The following PLS1 variants were observed in gnomAD, a reference collection of about 807,000 sequenced individuals.
PLS1 encodes the protein plastin-1.
Under a neutral mutation model 73.7 loss-of-function variants are expected in PLS1, and 32 were observed. That is an observed-to-expected ratio of 0.43 (90% CI 0.33 to 0.58). The LOEUF (loss-of-function observed/expected upper bound fraction) is 0.58. PLS1 is among the 20% of genes least tolerant of loss of function. The pLI is 0.04. For synonymous variants in PLS1, 217 were observed against 261.3 expected, an observed-to-expected ratio of 0.83 and a Z score of 1.63; for missense variants, 633 against 740.5, an observed-to-expected ratio of 0.85 and a Z score of 1.68.
intron 1 of PLS1, among the ~76,000 whole-genome samples, chr3:142,606,070 T>C (rs57025719): frequency 0.042 from 6,420 of 152,308 alleles, 464 homozygotes; most frequent in African/African-American, 0.15. Flanking sequence ...TTTCTAGTAA[T>C]TCAGAGGAAA....
chr3:142,598,785 C>T (rs2035858316), intron 1 of PLS1, among the ~76,000 whole-genome samples: 1 of 152,108 alleles, frequency 6.6e-6, no homozygotes, highest in Admixed American at 6.5e-5. Flanking sequence ...ATCACAAGGT[C>T]AGGAGATTGA....
intron 11 of PLS1, among the ~76,000 whole-genome samples, chr3:142,695,814 G>C (rs1278957469): frequency 6.6e-6 from 1 of 150,388 alleles, no homozygotes; most frequent in Non-Finnish European, 1.5e-5. Flanking sequence ...ATTTATTTGA[G>C]ATGGAGTTTC....
At chr3:142,661,666 A>G (rs4594656) in intron 1 of PLS1, among the ~76,000 whole-genome samples, 58,418 of 152,062 alleles carry the variant, frequency 0.38, 12,423 homozygotes, top group Non-Finnish European at 0.48. Context: ...AAGTTTATAA[A>G]AGTGTATAAA....
chr3:142,711,329 A>G lies in PLS1; in HGVS notation c.1630-172A>G, dbSNP rs73864408. 0.022 allele frequency among the ~76,000 whole-genome samples: 3,395 copies of G among 152,272 alleles called. 130 individuals carry two copies. The highest frequency in any genetic ancestry group is 0.077 in the African/African-American group (3,206 of 41,552). On this transcript the variant is annotated intron_variant, in intron 14 of 15. Coordinates refer to ENST00000457734, the MANE Select transcript of PLS1 (RefSeq NM_001145319.2). ...TATATTATATATAAAGATTCAAGGA[A>G]AAGTATATTTTAAAGGGTTTATTTA...
intron 3 of PLS1, among the ~76,000 whole-genome samples, chr3:142,670,605 C>T (rs569386642): frequency 1.6e-4 from 24 of 152,334 alleles, no homozygotes; most frequent in Non-Finnish European, 3.4e-4. Context: ...GTTATTTCCT[C>T]TAAGAGCTGA....
At chr3:142,691,089 A>C (rs200932380) in intron 10 of PLS1, among the ~76,000 whole-genome samples, 1 of 152,150 alleles carries the variant, frequency 6.6e-6, no homozygotes, top group African/African-American at 2.4e-5. Context: ...AGAATGAGAA[A>C]TCAATTTCAT....
At chr3:142,659,955 C>T (rs192585440) in intron 1 of PLS1, among the ~76,000 whole-genome samples, 167 of 152,170 alleles carry the variant, frequency 1.1e-3, no homozygotes, top group Middle Eastern at 0.01. Flanking sequence ...TCAAGTATAC[C>T]GTGACACAAC....
At chr3:142,705,864 C>A (rs899118640) in intron 14 of PLS1, among the ~76,000 whole-genome samples, 10 of 152,284 alleles carry the variant, frequency 6.6e-5, no homozygotes, top group East Asian at 3.9e-4. Context: ...TTCCACCCCC[C>A]CTTTTCTATC....
chr3:142,603,769 C>CAA lies in PLS1; in HGVS notation c.-37+7274_-37+7275dup, dbSNP rs5853074. On this transcript the variant is annotated intron_variant, in intron 1 of 15. Transcript: ENST00000457734. ...TGGGTGACAAAGTGAAACCCTGCCTCAAAAAAAAAAAAAAATACCTACAAG... is the reference window on the plus strand; with the variant it reads ...TGGGTGACAAAGTGAAACCCTGCCTCAAAAAAAAAAAAAAAAATACCTACAAG... 3.4e-3 allele frequency among the ~76,000 whole-genome samples: 472 copies of CAA among 140,502 alleles called. 3 individuals are homozygous for CAA. Among genetic ancestry groups the CAA allele is most frequent in the Middle Eastern group, 0.011 (3 of 266 alleles). The allele number at this position is 140,502 out of a possible 152,430, so 92.2% of individuals were successfully genotyped here.
chr3:142,671,732 C>G (rs1171161463), intron 4 of PLS1, among the ~76,000 whole-genome samples: 1 of 152,132 alleles, frequency 6.6e-6, no homozygotes, highest in Non-Finnish European at 1.5e-5. Flanking sequence ...GTCTAAGAAC[C>G]TTTGGCCAAG....
At chr3:142,638,716 T>C (rs1262626569) in intron 1 of PLS1, among the ~76,000 whole-genome samples, 2 of 17,908 alleles carry the variant, frequency 1.1e-4, no homozygotes, top group Admixed American at 2.8e-4. Flanking sequence ...TATCTTCATT[T>C]TATTTTATTT....
intron 1 of PLS1, among the ~76,000 whole-genome samples, chr3:142,660,576 G>T (rs2037348702): frequency 6.6e-6 from 1 of 152,184 alleles, no homozygotes; most frequent in South Asian, 2.1e-4. Context: ...AGCATGGTGA[G>T]AGTATCATAC....
intron 1 of PLS1, among the ~76,000 whole-genome samples, chr3:142,655,328 G>C (rs752437747): frequency 2.0e-5 from 3 of 152,148 alleles, no homozygotes; most frequent in Non-Finnish European, 4.4e-5. Context: ...TAATGAAATG[G>C]TAAATACTTG....
chr3:142,709,914 TATTG>T (rs1296030789), intron 14 of PLS1, among the ~76,000 whole-genome samples: 4 of 152,176 alleles, frequency 2.6e-5, no homozygotes, highest in African/African-American at 9.6e-5. Flanking sequence ...TTTTATTAGA[TATTG>T]ATTAAGAACT....
intron 1 of PLS1, among the ~76,000 whole-genome samples, chr3:142,642,772 T>C (rs1456488341): frequency 6.6e-6 from 1 of 152,226 alleles, no homozygotes; most frequent in Non-Finnish European, 1.5e-5. Flanking sequence ...CTTTGCAGCC[T>C]CGACCTCCTG....
chr3:142,668,037 C>G (rs2037515694), intron 2 of PLS1, among the ~76,000 whole-genome samples: 1 of 152,046 alleles, frequency 6.6e-6, no homozygotes, highest in African/African-American at 2.4e-5. Context: ...CTATCCTAAC[C>G]ATTAATTCAG....
At chr3:142,701,114 C>CT (rs1244055711) in intron 12 of PLS1, among the ~76,000 whole-genome samples, 1 of 152,192 alleles carries the variant, frequency 6.6e-6, no homozygotes, top group African/African-American at 2.4e-5. Context: ...TCCATTAACT[C>CT]TGTGAGACTG....
intron 1 of PLS1, among the ~76,000 whole-genome samples, chr3:142,605,348 A>G (rs981071850): frequency 3.9e-5 from 6 of 152,230 alleles, no homozygotes; most frequent in African/African-American, 1.2e-4. Flanking sequence ...ACTGTGTCTT[A>G]TAATTTCAAC....
intron 10 of PLS1, among the ~76,000 whole-genome samples, chr3:142,691,423 T>G (rs2038084376): frequency 1.3e-5 from 2 of 152,146 alleles, no homozygotes; most frequent in African/African-American, 2.4e-5. Context: ...AAAATCCCTC[T>G]GTCAGTAGAA....
Sources: gnomAD v4.1 joint callset for allele counts (sites outside exome capture counted in the v4.1 genomes callset) on GRCh38, gnomAD v4.1.1 for gene constraint, MANE v1.5 for transcripts, NCBI Gene and HGNC (gene_info 2026-07-23, HGNC 2026-07-21) for gene names.